ZNF469: variants seen among roughly 807,000 people sequenced by gnomAD.
The protein encoded by ZNF469 is zinc finger protein 469.
ZNF469 carries 1 observed loss-of-function variant against 1.0 expected under a neutral mutation model. That is an observed-to-expected ratio of 1.00 (90% CI 0.35 to 4.73). The LOEUF (loss-of-function observed/expected upper bound fraction) is 4.73. Among genes scored for constraint, ZNF469 ranks in the 30% most tolerant of loss-of-function variants. The probability of loss-of-function intolerance (pLI) is 0.16; values close to 1 mark genes in which losing one functional copy is unlikely to be tolerated. For missense variants in ZNF469, 6,100 were observed against 5,356.3 expected (o/e 1.14, Z -4.33); for synonymous variants, 2,703 against 2,363.4 (o/e 1.14, Z -4.17).
the ZNF469 span, among the ~76,000 whole-genome samples, chr16:88,155,945 T>G: frequency 6.6e-6 from 1 of 152,206 alleles, no homozygotes; most frequent in Non-Finnish European, 1.5e-5. Flanking sequence ...CAGCCGTGCT[T>G]ATAGGTGTGA....
At chr16:88,326,343 C>T in the ZNF469 span, among the ~76,000 whole-genome samples, 2 of 152,196 alleles carry the variant, frequency 1.3e-5, no homozygotes, top group South Asian at 4.1e-4. Context: ...TCCTCCTTAC[C>T]TTCTGCCATG....
At chr16:88,285,986 C>T in the ZNF469 span, among the ~76,000 whole-genome samples, 13 of 152,262 alleles carry the variant, frequency 8.5e-5, no homozygotes, top group Non-Finnish European at 1.8e-4. Context: ...CCCATCGGAC[C>T]CACAGCCCGG....
chr16:88,265,474 A>G, the ZNF469 span, among the ~76,000 whole-genome samples: 1 of 152,012 alleles, frequency 6.6e-6, no homozygotes, highest in Non-Finnish European at 1.5e-5. Flanking sequence ...GGGCAGGGGG[A>G]CATCCAGGAG....
chr16:88,320,775 G>T, the ZNF469 span, among the ~76,000 whole-genome samples: 3 of 152,188 alleles, frequency 2.0e-5, no homozygotes, highest in Admixed American at 2.0e-4. Flanking sequence ...TGTCCATGTA[G>T]TCTCATTGCT....
At chr16:88,354,733 C>T in the ZNF469 span, among the ~76,000 whole-genome samples, 29 of 152,308 alleles carry the variant, frequency 1.9e-4, no homozygotes, top group South Asian at 1.7e-3. Flanking sequence ...GTCTCCCAAG[C>T]GGACCAGGCT....
At chr16:88,391,527 T>C (rs1196857247) in intron 1 of ZNF469, among the ~76,000 whole-genome samples, 1 of 152,226 alleles carries the variant, frequency 6.6e-6, no homozygotes, top group African/African-American at 2.4e-5. Context: ...CTGGCTTTGG[T>C]GTCCTCTTCA....
chr16:88,281,909 G>C, the ZNF469 span, among the ~76,000 whole-genome samples: 107,602 of 152,174 alleles, frequency 0.71, 38,446 homozygotes, highest in East Asian at 0.92. Context: ...TTGGTCAGTA[G>C]TGTCTGGATA....
At chr16:88,332,047 C>T in the ZNF469 span, among the ~76,000 whole-genome samples, 3 of 152,190 alleles carry the variant, frequency 2.0e-5, no homozygotes, top group African/African-American at 7.2e-5. Flanking sequence ...CCTTGGCAGC[C>T]CCCGAGTCCC....
At chr16:88,420,166 C>G (rs941255606) in intron 1 of ZNF469, among the ~76,000 whole-genome samples, 5 of 152,252 alleles carry the variant, frequency 3.3e-5, no homozygotes, top group African/African-American at 1.2e-4. Context: ...GCAGCTCCCC[C>G]TCGCCTGGAA....
the ZNF469 span, among the ~76,000 whole-genome samples, chr16:88,139,977 C>T: frequency 2.0e-5 from 3 of 152,148 alleles, no homozygotes; most frequent in East Asian, 1.9e-4. Flanking sequence ...TAACTCCTAC[C>T]GAGTTTGAGC....
chr16:88,412,149 C>A (rs1312557154), intron 1 of ZNF469, among the ~76,000 whole-genome samples: 1 of 152,178 alleles, frequency 6.6e-6, no homozygotes, highest in Non-Finnish European at 1.5e-5. Context: ...CAGGAGCCCA[C>A]CACGCCCCCT....
chr16:88,208,154 A>G, the ZNF469 span, among the ~76,000 whole-genome samples: 1 of 151,754 alleles, frequency 6.6e-6, no homozygotes, highest in Admixed American at 6.6e-5. Flanking sequence ...CATGTGTTTG[A>G]TGCCCACATT....
the ZNF469 span, among the ~76,000 whole-genome samples, chr16:88,253,405 C>T: frequency 5.6e-3 from 847 of 151,998 alleles, 5 homozygotes; most frequent in Admixed American, 0.012. Context: ...CGTGAGGCTG[C>T]ATCTCACTGT....
the ZNF469 span, among the ~76,000 whole-genome samples, chr16:88,310,977 C>T: frequency 6.6e-6 from 1 of 152,222 alleles, no homozygotes; most frequent in Non-Finnish European, 1.5e-5. Flanking sequence ...TGCACCCTCA[C>T]AGCCTCCTCC....
At chr16:88,222,239 T>C in the ZNF469 span, among the ~76,000 whole-genome samples, 2 of 152,258 alleles carry the variant, frequency 1.3e-5, no homozygotes, top group African/African-American at 2.4e-5. Context: ...CACCCACTAA[T>C]TGATTCCCAG....
At chr16:88,255,575 T>C in the ZNF469 span, among the ~76,000 whole-genome samples, 1 of 152,222 alleles carries the variant, frequency 6.6e-6, no homozygotes, top group Non-Finnish European at 1.5e-5. Context: ...GTACATTCAT[T>C]CCAGCTTATA....
At chr16:88,104,625 G>C in the ZNF469 span, among the ~76,000 whole-genome samples, 1 of 152,238 alleles carries the variant, frequency 6.6e-6, no homozygotes, top group Non-Finnish European at 1.5e-5. Flanking sequence ...GTCACATTCC[G>C]GGGGCCTGTC....
chr16:88,390,565 C>G (rs1056562547), intron 1 of ZNF469, among the ~76,000 whole-genome samples: 9 of 152,236 alleles, frequency 5.9e-5, no homozygotes, highest in African/African-American at 2.2e-4. Flanking sequence ...CCTAGGCAAG[C>G]TGACTTTTCC....
the ZNF469 span, among the ~76,000 whole-genome samples, chr16:88,208,817 T>A: frequency 7.8e-3 from 1,114 of 143,276 alleles, 11 homozygotes; most frequent in South Asian, 0.049. Context: ...TCTCTCTCTC[T>A]CTCTCTCTCT....
Sources: gnomAD v4.1 joint callset for allele counts (sites outside exome capture counted in the v4.1 genomes callset) on GRCh38, gnomAD v4.1.1 for gene constraint, MANE v1.5 for transcripts, NCBI Gene and HGNC (gene_info 2026-07-23, HGNC 2026-07-21) for gene names.